The following KCNIP4 variants were observed in gnomAD, a reference collection of about 807,000 sequenced individuals.
KCNIP4 encodes the protein Kv channel-interacting protein 4.
KCNIP4 carries 12 observed loss-of-function variants against 34.0 expected under a neutral mutation model. That is an observed-to-expected ratio of 0.35 (90% CI 0.23 to 0.57). The LOEUF is 0.57. KCNIP4 is among the 20% of genes least tolerant of loss of function. The pLI, the probability that KCNIP4 is intolerant of heterozygous loss-of-function variation, is 0.83. For missense variants in KCNIP4, 238 were observed against 311.7 expected (o/e 0.76, Z 1.78); for synonymous variants, 124 against 102.2 (o/e 1.21, Z -1.29).
At chr4:21,418,512 A>G (rs1159023132) in intron 1 of KCNIP4, among the ~76,000 whole-genome samples, 2 of 152,042 alleles carry the variant, frequency 1.3e-5, no homozygotes, top group African/African-American at 4.8e-5. Context: ...AAGAAAAAAT[A>G]AATAAATAAA....
intron 1 of KCNIP4, among the ~76,000 whole-genome samples, chr4:21,832,842 T>C (rs1723079603): frequency 6.7e-6 from 1 of 150,322 alleles, no homozygotes; most frequent in Admixed American, 6.6e-5. Context: ...TATGCGGTGT[T>C]TGGTTTTTTG....
intron 1 of KCNIP4, among the ~76,000 whole-genome samples, chr4:21,018,269 A>G (rs965114327): frequency 6.6e-6 from 1 of 152,174 alleles, no homozygotes; most frequent in Non-Finnish European, 1.5e-5. Flanking sequence ...ACCGTATTCA[A>G]CAAGTATCTG....
At chr4:21,220,564 A>T (rs1046932961) in intron 1 of KCNIP4, among the ~76,000 whole-genome samples, 26 of 151,592 alleles carry the variant, frequency 1.7e-4, no homozygotes, top group African/African-American at 5.1e-4. Flanking sequence ...ATAATAATAA[A>T]TAATAATAAT....
intron 1 of KCNIP4, among the ~76,000 whole-genome samples, chr4:21,801,531 T>C (rs1327843201): frequency 6.6e-6 from 1 of 152,164 alleles, no homozygotes; most frequent in African/African-American, 2.4e-5. Context: ...GAGGCATTAT[T>C]CCTCATATCT....
chr4:20,946,299 GAGA>G (rs1299741425), intron 1 of KCNIP4, among the ~76,000 whole-genome samples: 1 of 152,180 alleles, frequency 6.6e-6, no homozygotes, highest in Non-Finnish European at 1.5e-5. Flanking sequence ...AAACCTTAAG[GAGA>G]AGAAGCCATG....
At chr4:20,809,991 C>G (rs1403234059) in intron 3 of KCNIP4, among the ~76,000 whole-genome samples, 1 of 152,194 alleles carries the variant, frequency 6.6e-6, no homozygotes, top group East Asian at 1.9e-4. Context: ...AACATGATCT[C>G]TTCAGCAGCA....
At chr4:21,134,044 C>T (rs1751308071) in intron 1 of KCNIP4, among the ~76,000 whole-genome samples, 1 of 152,166 alleles carries the variant, frequency 6.6e-6, no homozygotes. Flanking sequence ...ATCTAACCCC[C>T]CAAACCCATA....
At chr4:21,226,419 G>C (rs1199234341) in intron 1 of KCNIP4, among the ~76,000 whole-genome samples, 4 of 147,218 alleles carry the variant, frequency 2.7e-5, no homozygotes, top group Non-Finnish European at 2.9e-5. Flanking sequence ...GTGAGCTTTT[G>C]GTTGCCACAT....
At chr4:21,220,581 AAAG>A (rs1014700923) in intron 1 of KCNIP4, among the ~76,000 whole-genome samples, 3 of 151,840 alleles carry the variant, frequency 2.0e-5, no homozygotes, top group African/African-American at 7.2e-5. Flanking sequence ...TAATAATAAT[AAAG>A]AAGTTCTCTT....
At chr4:21,333,426 C>T (rs1715852397) in intron 1 of KCNIP4, among the ~76,000 whole-genome samples, 1 of 130,242 alleles carries the variant, frequency 7.7e-6, no homozygotes. Flanking sequence ...ACTTTCTGCA[C>T]ACAGATATAT....
At chr4:20,940,156 A>G (rs1285600507) in intron 1 of KCNIP4, among the ~76,000 whole-genome samples, 1 of 152,098 alleles carries the variant, frequency 6.6e-6, no homozygotes, top group Non-Finnish European at 1.5e-5. Flanking sequence ...TCTACTTGCA[A>G]TCAGCTCTTC....
intron 3 of KCNIP4, among the ~76,000 whole-genome samples, chr4:20,831,841 T>C (rs1057122678): frequency 6.6e-6 from 1 of 152,186 alleles, no homozygotes; most frequent in African/African-American, 2.4e-5. Flanking sequence ...AGTAAATTGC[T>C]CTGTTGTGTG....
At chr4:21,727,239 G>A (rs764470266) in intron 1 of KCNIP4, among the ~76,000 whole-genome samples, 6 of 152,102 alleles carry the variant, frequency 3.9e-5, no homozygotes, top group Admixed American at 1.3e-4. Context: ...CTTATACAAC[G>A]TTTGAAGGAG....
chr4:21,528,784 AAAGGAAGAAAGGAAGAAAGGAAGG>A (rs1560490297), intron 1 of KCNIP4, among the ~76,000 whole-genome samples: 360 of 16,870 alleles, frequency 0.021, 84 homozygotes, highest in Admixed American at 0.03. Context: ...AGAAAGGAAG[AAAGGAAGAAAGGAAGAAAGGAAGG>A]AAGGAAGGAA....
At chr4:21,547,642 G>C (rs1469829287) in intron 1 of KCNIP4, among the ~76,000 whole-genome samples, 1 of 152,034 alleles carries the variant, frequency 6.6e-6, no homozygotes, top group East Asian at 1.9e-4. Flanking sequence ...AACTGCTTTT[G>C]GGGAAGGCTA....
At chr4:20,808,052 C>CA (rs1194022327) in intron 3 of KCNIP4, among the ~76,000 whole-genome samples, 1 of 152,074 alleles carries the variant, frequency 6.6e-6, no homozygotes, top group Non-Finnish European at 1.5e-5. Flanking sequence ...AATCTGACTC[C>CA]ATGCAAGGCT....
At chr4:21,039,944 G>C (rs28453770) in intron 1 of KCNIP4, among the ~76,000 whole-genome samples, 1 of 152,152 alleles carries the variant, frequency 6.6e-6, no homozygotes, top group East Asian at 1.9e-4. Context: ...GTTCCTCATG[G>C]CTGGGGAGGC....
intron 3 of KCNIP4, among the ~76,000 whole-genome samples, chr4:20,790,541 T>C (rs1712601866): frequency 7.5e-6 from 1 of 134,014 alleles, no homozygotes; most frequent in Admixed American, 8.8e-5. Context: ...TTTTATAAGC[T>C]TTCTTAATTT....
intron 1 of KCNIP4, among the ~76,000 whole-genome samples, chr4:21,010,222 A>G (rs867770732): frequency 6.6e-6 from 1 of 152,156 alleles, no homozygotes; most frequent in Non-Finnish European, 1.5e-5. Flanking sequence ...GTCTTCTTTG[A>G]TTCGTTGTTA....
Sources: allele counts gnomAD v4.1 joint callset (sites outside exome capture counted in the v4.1 genomes callset), GRCh38; gene constraint gnomAD v4.1.1; transcripts MANE v1.5; gene names NCBI Gene and HGNC (gene_info 2026-07-23, HGNC 2026-07-21).